The following PRTG variants were observed in gnomAD, a reference collection of about 807,000 sequenced individuals.
PRTG encodes immunoglobulin superfamily, DCC subclass, member 5.
PRTG carries 67 observed loss-of-function variants against 122.5 expected under a neutral mutation model. The observed-to-expected ratio is 0.55, with a 90% CI of 0.45 to 0.67. The LOEUF (loss-of-function observed/expected upper bound fraction) is 0.67, where lower values mean the gene tolerates loss of function less well. Among genes scored for constraint, PRTG ranks in the 30% least tolerant of loss-of-function variants. The pLI is 0.00. For missense variants in PRTG, 1,435 were observed against 1,415.4 expected (o/e 1.01, Z -0.22); for synonymous variants, 554 against 501.1 (o/e 1.11, Z -1.41).
chr15:55,731,743 C>T (rs1483739032), intron 2 of PRTG, among the ~76,000 whole-genome samples: 1 of 152,156 alleles, frequency 6.6e-6, no homozygotes, highest in South Asian at 2.1e-4. Flanking sequence ...AATACTAATA[C>T]ATTAGCAAAA....
At chr15:55,705,516 C>T (rs781017569) in intron 2 of PRTG, among the ~76,000 whole-genome samples, 1 of 152,132 alleles carries the variant, frequency 6.6e-6, no homozygotes, top group South Asian at 2.1e-4. Context: ...TGCAGTGGCG[C>T]GATCTCAGCT....
intron 11 of PRTG, among the ~76,000 whole-genome samples, chr15:55,648,326 TGA>T (rs1009674623): frequency 3.3e-5 from 5 of 152,200 alleles, no homozygotes; most frequent in African/African-American, 1.2e-4. Context: ...GCCTATAAAA[TGA>T]GACTCTCTAA....
chr15:55,637,933 T>C (rs987325107), intron 14 of PRTG, among the ~76,000 whole-genome samples: 2 of 152,206 alleles, frequency 1.3e-5, no homozygotes, highest in Admixed American at 6.5e-5. Context: ...ATATGGAATA[T>C]TGCCAAAACC....
chr15:55,628,783 T>C (rs780591644), intron 16 of PRTG, 39 bp downstream of exon 16: 3 of 1,522,998 alleles, frequency 2.0e-6, no homozygotes, highest in African/African-American at 1.4e-5. Flanking sequence ...ACACTTTTTT[T>C]CTTAAGAAAA....
At chr15:55,691,680 C>CA (rs765414935) in intron 2 of PRTG, among the ~76,000 whole-genome samples, 4,245 of 85,608 alleles carry the variant, frequency 0.05, 229 homozygotes, top group African/African-American at 0.16. Context: ...GACTCCATCT[C>CA]AAAAAAAAAA....
Position 55,676,726 on chromosome 15 carries a change from G to T in PRTG, c.1382-1043C>A, listed in dbSNP as rs143800886. On this transcript the variant is annotated intron_variant, in intron 8 of 19. Transcript: ENST00000389286. Reference sequence around the variant, plus strand: ...ATAGACCACTGAGCCTCATGTGGAGGCTCTAATGAAACAACCATAATAGGG... The same window carrying T: ...ATAGACCACTGAGCCTCATGTGGAGTCTCTAATGAAACAACCATAATAGGG... Among the ~76,000 whole-genome samples, 657 of 152,230 alleles carry T rather than the reference G, an allele frequency of 4.3e-3. 1 individual carries two copies. Among genetic ancestry groups the T allele is most frequent in the African/African-American group, 0.015 (628 of 41,552 alleles).
In PRTG at chr15:55,640,029, T is replaced by C. The variant is rs72748429; in HGVS notation, c.2138-201A>G. 37 of 838,154 alleles carry C rather than the reference T, an allele frequency of 4.4e-5. 1 individual carries two copies. In the South Asian group the frequency reaches 1.9e-3, roughly 44 times the overall value. The allele number at this position is 838,154 out of a possible 1,614,324, so 51.9% of individuals were successfully genotyped here. ...TTATATAAGAAGTCAAAAACAGTCA[T>C]GCATCACTAAAGAACAGGCATACAT... On this transcript the variant is annotated intron_variant, in intron 12 of 19. Coordinates refer to ENST00000389286, the MANE Select transcript of PRTG (RefSeq NM_173814.6).
At chr15:55,639,159 G>T (rs952337045) in intron 13 of PRTG, among the ~76,000 whole-genome samples, 3 of 152,080 alleles carry the variant, frequency 2.0e-5, no homozygotes, top group Non-Finnish European at 2.9e-5. Flanking sequence ...TATTTTTGGA[G>T]AGATGGGATC....
In PRTG at chr15:55,613,661, G is replaced by A. The variant is rs1365480954; in HGVS notation, c.*6351C>T. 1 of 151,898 alleles carries A rather than the reference G, an allele frequency of 6.6e-6. No homozygotes were observed. The allele number at this position is 151,898 out of a possible 1,614,324, so 9.4% of individuals were successfully genotyped here. A position where few individuals can be genotyped will look rare whatever the true frequency, so the allele number is the denominator to read the frequency against. On this transcript the variant is annotated 3_prime_UTR_variant, in exon 20 of 20. Coordinates refer to ENST00000389286, the MANE Select transcript of PRTG (RefSeq NM_173814.6). ...TCGATTGGTTATTACTCTGTAGAAA[G>A]GTTGTTCTGACACAACCTGGCTTTT...
chr15:55,719,723 A>C (rs1490240247), intron 2 of PRTG, among the ~76,000 whole-genome samples: 1 of 152,162 alleles, frequency 6.6e-6, no homozygotes, highest in African/African-American at 2.4e-5. Context: ...AAACAATGAG[A>C]AATTGTCTCA....
intron 11 of PRTG, among the ~76,000 whole-genome samples, chr15:55,646,277 G>A (rs965993832): frequency 6.7e-6 from 1 of 148,994 alleles, no homozygotes; most frequent in Non-Finnish European, 1.5e-5. Flanking sequence ...CTCCCAAAGT[G>A]CCCGGATTAC....
chr15:55,742,365 C>G (rs763608836), intron 1 of PRTG: 1 of 154,520 alleles, frequency 6.5e-6, no homozygotes, highest in African/African-American at 2.4e-5. Context: ...ACAACAGACA[C>G]GGGAAGCCGC....
intron 7 of PRTG, among the ~76,000 whole-genome samples, chr15:55,678,300 G>A (rs2059515486): frequency 6.6e-6 from 1 of 152,154 alleles, no homozygotes; most frequent in Non-Finnish European, 1.5e-5. Flanking sequence ...GAAGTGCAGT[G>A]TCACAATCAC....
chr15:55,720,359 AAAAACAAAAC>A (rs1210018261), intron 2 of PRTG, among the ~76,000 whole-genome samples: 1 of 152,206 alleles, frequency 6.6e-6, no homozygotes, highest in South Asian at 2.1e-4. Context: ...TCTACCTCCA[AAAAACAAAAC>A]AAAACAAAAT....
Position 55,740,560 on chromosome 15 carries a change from C to T in PRTG, c.219G>A (p.Leu73=). 6 of 1,610,672 alleles carry T rather than the reference C, an allele frequency of 3.7e-6. No homozygotes were observed. Among genetic ancestry groups the T allele is most frequent in the Non-Finnish European group, 5.1e-6 (6 of 1,178,028 alleles). Residue 73 remains leucine (L), a synonymous_variant, in exon 2 of 20, where the codon TTG becomes TTA. Coordinates refer to ENST00000389286, the MANE Select transcript of PRTG (RefSeq NM_173814.6). ...TTTCAGACATTTTTGCTCCATTTTTCAACCATGTGACCTTAATAGGAACTT... is the reference window on the plus strand; with the variant it reads ...TTTCAGACATTTTTGCTCCATTTTTTAACCATGTGACCTTAATAGGAACTT... ...HGEVPIKVTW[L]KNGAKMSENK... is the part of the protein sequence containing the mutation.
intron 2 of PRTG, among the ~76,000 whole-genome samples, chr15:55,715,515 G>C (rs1347761658): frequency 6.6e-6 from 1 of 152,176 alleles, no homozygotes; most frequent in Non-Finnish European, 1.5e-5. Flanking sequence ...ATTTGCAAAA[G>C]TGACCTCAGG....
At chr15:55,723,752 C>CTTTTTTTTTTT (rs769469226) in intron 2 of PRTG, among the ~76,000 whole-genome samples, 1 of 127,102 alleles carries the variant, frequency 7.9e-6, no homozygotes, top group Non-Finnish European at 1.6e-5. Flanking sequence ...TTTCTTTTTT[C>CTTTTTTTTTTT]TTTTTTTTTT....
chr15:55,716,882 G>C (rs1277919085), intron 2 of PRTG, among the ~76,000 whole-genome samples: 1 of 152,022 alleles, frequency 6.6e-6, no homozygotes, highest in Non-Finnish European at 1.5e-5. Flanking sequence ...TCTTCACCAA[G>C]CTTGATAATG....
intron 2 of PRTG, among the ~76,000 whole-genome samples, chr15:55,711,992 C>A (rs960805493): frequency 7.9e-5 from 12 of 152,048 alleles, no homozygotes; most frequent in Non-Finnish European, 1.6e-4. Flanking sequence ...GTGAGGTTCC[C>A]AGAAGGAAAC....
Sources: allele counts gnomAD v4.1 joint callset (sites outside exome capture counted in the v4.1 genomes callset), GRCh38; gene constraint gnomAD v4.1.1; transcripts MANE v1.5; gene names NCBI Gene and HGNC (gene_info 2026-07-23, HGNC 2026-07-21).